Variants in GSDMC observed in about 807,000 individuals in gnomAD.
GSDMC encodes the protein gasdermin C.
Under a neutral mutation model 58.0 loss-of-function variants are expected in GSDMC, and 59 were observed. The ratio of observed to expected loss-of-function variants is 1.02; its 90% CI spans 0.82 to 1.26. GSDMC has a LOEUF of 1.26. GSDMC is among the 50% of genes most tolerant of loss of function. The pLI is 0.00. For synonymous variants in GSDMC, 241 were observed against 220.2 expected (o/e 1.09, Z -0.83); for missense variants, 659 against 598.5 (o/e 1.10, Z -1.06).
intron 6 of GSDMC, among the ~76,000 whole-genome samples, chr8:129,758,904 A>G (rs1842792): frequency 0.1 from 15,259 of 152,184 alleles, 2,603 homozygotes; most frequent in African/African-American, 0.35. Flanking sequence ...CAGAATAACC[A>G]AAGCTATCCT....
At chr8:129,779,560 G>C (rs1373189887) in intron 1 of GSDMC, among the ~76,000 whole-genome samples, 1 of 151,464 alleles carries the variant, frequency 6.6e-6, no homozygotes, top group Non-Finnish European at 1.5e-5. Context: ...AACTCCCATG[G>C]CACAAGTTTA....
chr8:129,760,592 G>T lies in GSDMC; in HGVS notation c.677-3C>A. 1 of 1,579,940 alleles carries T rather than the reference G, an allele frequency of 6.3e-7. No homozygotes were observed. On this transcript the variant is annotated splice_polypyrimidine_tract_variant and splice_region_variant and intron_variant, in intron 5 of 13. Transcript: ENST00000276708. ...ATCATCATCTGAGATGAGAATGGCTGAATGGAAAAGAAGAACTTCCATTAG... is the reference window on the plus strand; with the variant it reads ...ATCATCATCTGAGATGAGAATGGCTTAATGGAAAAGAAGAACTTCCATTAG...
chr8:129,782,219 A>G (rs1025009968), intron 1 of GSDMC, among the ~76,000 whole-genome samples: 2 of 152,170 alleles, frequency 1.3e-5, no homozygotes, highest in African/African-American at 4.8e-5. Context: ...AAAGCAGTAC[A>G]AAGAGGGAAA....
the GSDMC span, among the ~76,000 whole-genome samples, chr8:129,716,795 A>G: frequency 6.6e-6 from 1 of 152,188 alleles, no homozygotes; most frequent in African/African-American, 2.4e-5. Context: ...CATTCCATCA[A>G]CACCAAGTTT....
At chr8:129,759,128 A>G (rs1490358587) in intron 6 of GSDMC, among the ~76,000 whole-genome samples, 2 of 152,240 alleles carry the variant, frequency 1.3e-5, no homozygotes, top group Non-Finnish European at 2.9e-5. Context: ...AGTCTCTTCA[A>G]TAAATGGTGC....
chr8:129,730,833 G>A, the GSDMC span, among the ~76,000 whole-genome samples: 60 of 152,104 alleles, frequency 3.9e-4, no homozygotes, highest in African/African-American at 1.2e-3. Context: ...GCTACAGGCC[G>A]ATAAACCCAT....
chr8:129,752,676 A>G (rs988897585), intron 7 of GSDMC, 22 bp downstream of exon 7: 1 of 1,613,650 alleles, frequency 6.2e-7, no homozygotes, highest in Admixed American at 1.7e-5. Context: ...AGAAGTAAAA[A>G]TAAAGTGAGC....
chr8:129,753,044 G>A (rs958613104), intron 6 of GSDMC, among the ~76,000 whole-genome samples: 4 of 152,172 alleles, frequency 2.6e-5, no homozygotes, highest in African/African-American at 9.7e-5. Flanking sequence ...GGAGTCCTAG[G>A]TAAACTTAAA....
At chr8:129,752,858 T>C in intron 6 of GSDMC, 38 bp from the exon 7 acceptor site, 1 of 1,613,542 alleles carries the variant, frequency 6.2e-7, no homozygotes. Context: ...TGGGTAACTT[T>C]ACATTGAACT....
At chr8:129,731,504 A>G in the GSDMC span, among the ~76,000 whole-genome samples, 1 of 152,204 alleles carries the variant, frequency 6.6e-6, no homozygotes, top group Non-Finnish European at 1.5e-5. Context: ...GGCTTCTGTG[A>G]TTATTATTAA....
chr8:129,716,676 G>A, the GSDMC span, among the ~76,000 whole-genome samples: 1 of 152,208 alleles, frequency 6.6e-6, no homozygotes, highest in Admixed American at 6.5e-5. Flanking sequence ...TGGTGAGAGA[G>A]GGCATCCTTG....
chr8:129,729,724 G>A, the GSDMC span: 1 of 547,964 alleles, frequency 1.8e-6, no homozygotes, highest in Non-Finnish European at 3.2e-6. Context: ...TGGACATTTG[G>A]GTTGGTTCCG....
the GSDMC span, chr8:129,730,162 C>T: frequency 9.4e-7 from 1 of 1,058,816 alleles, no homozygotes; most frequent in African/African-American, 1.6e-5. Context: ...AAAGAGCTGG[C>T]TATGAAAAAG....
intron 4 of GSDMC, among the ~76,000 whole-genome samples, chr8:129,763,671 G>A (rs1034721329): frequency 1.3e-5 from 2 of 152,132 alleles, no homozygotes; most frequent in Non-Finnish European, 2.9e-5. Flanking sequence ...CAACTTCCCA[G>A]GCTCAAGCAA....
intron 4 of GSDMC, among the ~76,000 whole-genome samples, chr8:129,763,977 A>T (rs1011957907): frequency 6.6e-6 from 1 of 152,168 alleles, no homozygotes; most frequent in Admixed American, 6.5e-5. Flanking sequence ...TAAGAAAAAG[A>T]ATAATAAATT....
chr8:129,723,291 A>T, the GSDMC span, among the ~76,000 whole-genome samples: 29 of 152,022 alleles, frequency 1.9e-4, no homozygotes, highest in South Asian at 5.8e-3. Context: ...CCCAAGCTGG[A>T]GTGCAGTGGC....
the GSDMC span, among the ~76,000 whole-genome samples, chr8:129,709,527 G>T: frequency 1.4e-5 from 2 of 143,160 alleles, no homozygotes; most frequent in Non-Finnish European, 3.0e-5. Flanking sequence ...ATGATAGGCA[G>T]ATAGTTGATA....
chr8:129,760,737 G>T (rs1018327823), intron 5 of GSDMC, 148 bp from the exon 6 acceptor site: 15 of 554,022 alleles, frequency 2.7e-5, no homozygotes, highest in South Asian at 1.8e-4. Context: ...CACTTTGAAA[G>T]GTGCCCTGGA....
the GSDMC span, among the ~76,000 whole-genome samples, chr8:129,733,789 G>C: frequency 0.32 from 49,320 of 151,996 alleles, 11,587 homozygotes; most frequent in African/African-American, 0.65. Flanking sequence ...AGCTGGTGAG[G>C]ACCAGCAATG....
Sources: allele counts gnomAD v4.1 joint callset (sites outside exome capture counted in the v4.1 genomes callset), GRCh38; gene constraint gnomAD v4.1.1; transcripts MANE v1.5; gene names NCBI Gene and HGNC (gene_info 2026-07-23, HGNC 2026-07-21).